Variants in QTMAN observed in about 807,000 individuals in gnomAD.
QTMAN encodes the protein tRNA-queuosine alpha-mannosyltransferase.
At chr2:143,949,469 A>C in the QTMAN span, among the ~76,000 whole-genome samples, 1 of 151,958 alleles carries the variant, frequency 6.6e-6, no homozygotes, top group African/African-American at 2.4e-5. Flanking sequence ...ACTCTATATG[A>C]TAAGAAGTTG....
chr2:144,087,129 T>C, the QTMAN span, among the ~76,000 whole-genome samples: 1 of 152,218 alleles, frequency 6.6e-6, no homozygotes, highest in East Asian at 1.9e-4. Flanking sequence ...AAATTATGAG[T>C]ATCAAGAATG....
At chr2:144,221,533 T>C in the QTMAN span, among the ~76,000 whole-genome samples, 4 of 152,188 alleles carry the variant, frequency 2.6e-5, no homozygotes, top group East Asian at 7.7e-4. Context: ...AAATGATCAT[T>C]TGAGGTAAAA....
At chr2:144,238,027 G>A in the QTMAN span, among the ~76,000 whole-genome samples, 1 of 152,154 alleles carries the variant, frequency 6.6e-6, no homozygotes, top group East Asian at 1.9e-4. Context: ...TGTCACTCTG[G>A]CTGACATCTT....
the QTMAN span, among the ~76,000 whole-genome samples, chr2:144,197,793 A>G: frequency 1.3e-5 from 2 of 152,302 alleles, no homozygotes; most frequent in East Asian, 3.9e-4. Context: ...TCCAATGATC[A>G]TCTCCTATAC....
the QTMAN span, among the ~76,000 whole-genome samples, chr2:143,995,309 T>G: frequency 6.6e-6 from 1 of 152,184 alleles, no homozygotes; most frequent in Non-Finnish European, 1.5e-5. Flanking sequence ...TTTATTTAGC[T>G]ATTTCTTTTC....
At chr2:143,962,447 G>T in the QTMAN span, among the ~76,000 whole-genome samples, 3 of 152,062 alleles carry the variant, frequency 2.0e-5, no homozygotes, top group East Asian at 5.8e-4. Context: ...AACCTCCCCC[G>T]CTATAAAGGA....
chr2:144,140,446 G>A, the QTMAN span, among the ~76,000 whole-genome samples: 1 of 151,784 alleles, frequency 6.6e-6, no homozygotes, highest in South Asian at 2.1e-4. Flanking sequence ...CAAAATATAA[G>A]GTTCATATTT....
chr2:144,080,438 C>T, the QTMAN span, among the ~76,000 whole-genome samples: 1 of 152,112 alleles, frequency 6.6e-6, no homozygotes, highest in African/African-American at 2.4e-5. Flanking sequence ...TAGCTATATA[C>T]CATGGCTGTC....
At chr2:144,209,847 T>C in the QTMAN span, among the ~76,000 whole-genome samples, 1 of 152,196 alleles carries the variant, frequency 6.6e-6, no homozygotes, top group Non-Finnish European at 1.5e-5. Flanking sequence ...ATATCACTCA[T>C]TAAATAGCAT....
At chr2:143,992,054 C>T in the QTMAN span, among the ~76,000 whole-genome samples, 2 of 152,150 alleles carry the variant, frequency 1.3e-5, no homozygotes, top group East Asian at 1.9e-4. Flanking sequence ...TCATTGAGAA[C>T]GGGCCATGAT....
At chr2:144,307,235 A>C in the QTMAN span, among the ~76,000 whole-genome samples, 3 of 148,262 alleles carry the variant, frequency 2.0e-5, no homozygotes, top group African/African-American at 7.4e-5. Flanking sequence ...ATAGATGGCA[A>C]AAAAAAATAT....
the QTMAN span, among the ~76,000 whole-genome samples, chr2:144,180,377 G>A: frequency 6.6e-6 from 1 of 152,142 alleles, no homozygotes; most frequent in Non-Finnish European, 1.5e-5. Flanking sequence ...TTTCATTAAT[G>A]TAAGTCAGCC....
the QTMAN span, among the ~76,000 whole-genome samples, chr2:144,096,488 C>T: frequency 6.6e-6 from 1 of 152,196 alleles, no homozygotes; most frequent in African/African-American, 2.4e-5. Flanking sequence ...AATTCCATTA[C>T]TTTCATCCCT....
At chr2:144,027,418 AT>A in the QTMAN span, among the ~76,000 whole-genome samples, 1 of 152,178 alleles carries the variant, frequency 6.6e-6, no homozygotes, top group East Asian at 1.9e-4. Context: ...GCACAATTTT[AT>A]AAAAATAAGG....
At chr2:144,182,841 TATATATATATTTTATATATA>T in the QTMAN span, among the ~76,000 whole-genome samples, 3 of 66,126 alleles carry the variant, frequency 4.5e-5, no homozygotes, top group African/African-American at 1.9e-4. Flanking sequence ...ATATATATAT[TATATATATATTTTATATATA>T]ATATATATAT....
the QTMAN span, among the ~76,000 whole-genome samples, chr2:144,111,307 C>T: frequency 1.3e-5 from 2 of 152,154 alleles, no homozygotes; most frequent in South Asian, 2.1e-4. Flanking sequence ...CTGTTTCTTC[C>T]CCTGTACCCT....
the QTMAN span, among the ~76,000 whole-genome samples, chr2:144,144,564 AT>A: frequency 2.0e-5 from 3 of 152,048 alleles, no homozygotes; most frequent in South Asian, 6.2e-4. Flanking sequence ...AAGTATTTTA[AT>A]TTTATTATGA....
At chr2:144,290,559 T>C in the QTMAN span, among the ~76,000 whole-genome samples, 1 of 152,196 alleles carries the variant, frequency 6.6e-6, no homozygotes, top group Non-Finnish European at 1.5e-5. Context: ...TCAATGCATA[T>C]AAGTCAGAAG....
the QTMAN span, among the ~76,000 whole-genome samples, chr2:144,225,976 T>C: frequency 1.3e-5 from 2 of 152,212 alleles, no homozygotes; most frequent in Non-Finnish European, 2.9e-5. Flanking sequence ...ATTCAGTTAA[T>C]GTATTCTGAA....
Sources: allele counts gnomAD v4.1 joint callset (sites outside exome capture counted in the v4.1 genomes callset), GRCh38; gene constraint gnomAD v4.1.1; transcripts MANE v1.5; gene names NCBI Gene and HGNC (gene_info 2026-07-23, HGNC 2026-07-21).